Variants in GABRR2 observed in about 807,000 individuals in gnomAD.
GABRR2 encodes gamma-aminobutyric acid type A receptor subunit rho2, also known as gamma-aminobutyric acid receptor subunit rho-2.
GABRR2 carries 36 observed loss-of-function variants against 47.0 expected under a neutral mutation model. That is an observed-to-expected ratio of 0.77 (90% CI 0.59 to 1.01). GABRR2 has a LOEUF of 1.01. Among genes scored for constraint, GABRR2 ranks in the 50% least tolerant of loss-of-function variants. The pLI is 0.00. For missense variants in GABRR2, 587 were observed against 594.6 expected (o/e 0.99, Z 0.13); for synonymous variants, 204 against 227.5 (o/e 0.90, Z 0.93).
chr6:89,295,139 T>C (rs1338542877), intron 2 of GABRR2, among the ~76,000 whole-genome samples: 1 of 152,136 alleles, frequency 6.6e-6, no homozygotes, highest in Non-Finnish European at 1.5e-5. Context: ...GATTTATAAT[T>C]CTTTGGGTAT....
chr6:89,290,850 G>T (rs542626323), intron 2 of GABRR2, among the ~76,000 whole-genome samples: 8 of 152,272 alleles, frequency 5.3e-5, no homozygotes, highest in African/African-American at 1.7e-4. Context: ...TTTTCCAAGA[G>T]CTACAGCTCT....
chr6:89,258,559 A>C (rs1317891445), intron 8 of GABRR2, among the ~76,000 whole-genome samples: 1 of 107,246 alleles, frequency 9.3e-6, no homozygotes, highest in Non-Finnish European at 2.1e-5. Flanking sequence ...AAAAAAAAAA[A>C]TGTTTTTTTT....
chr6:89,304,977 GAC>G (rs1340074740), intron 1 of GABRR2, among the ~76,000 whole-genome samples: 1 of 152,226 alleles, frequency 6.6e-6, no homozygotes, highest in Non-Finnish European at 1.5e-5. Flanking sequence ...TTCCCATAAA[GAC>G]ACATGCATGT....
chr6:89,268,296 A>G (rs1773956940), intron 4 of GABRR2, among the ~76,000 whole-genome samples, 200 bp from the exon 5 acceptor site: 1 of 152,236 alleles, frequency 6.6e-6, no homozygotes, highest in African/African-American at 2.4e-5. Context: ...GCTCTGCCAG[A>G]TCCCCATTAC....
chr6:89,257,708 T>G lies in GABRR2; in HGVS notation c.1360A>C (p.Ile454Leu). The G allele has an allele frequency of 6.2e-7, 1 of 1,613,650 alleles. No individual in the cohort carries two copies. The highest frequency in any genetic ancestry group is 8.5e-7 in the Non-Finnish European group (1 of 1,179,756). The change falls in exon 9 of 9, where the codon ATA becomes CTA. Residue 454 changes from isoleucine (I) to leucine (L), a missense_variant. By Grantham distance (5) the Ile-to-Leu change is conservative. Coordinates refer to ENST00000402938, the MANE Select transcript of GABRR2 (RefSeq NM_002043.5). ...GACCAATAAATTAAGTTGAAAAATA[T>G]GTAGGAGGCAGGGAATATCAACCTA... The part of the protein sequence containing the change: ...YSRLIFPASY[I>L]FFNLIYWSVF...
chr6:89,262,409 A>G (rs1773770352), intron 8 of GABRR2, among the ~76,000 whole-genome samples: 1 of 152,230 alleles, frequency 6.6e-6, no homozygotes, highest in Admixed American at 6.5e-5. Flanking sequence ...CATATTCAGC[A>G]TGAAGCCCCT....
chr6:89,301,978 C>T, intron 1 of GABRR2: 3 of 784,588 alleles, frequency 3.8e-6, no homozygotes, highest in Admixed American at 1.9e-5. Context: ...GGCCATTCGT[C>T]GACCTGGAGC....
At chr6:89,292,770 CG>C (rs1774480919) in intron 2 of GABRR2, among the ~76,000 whole-genome samples, 1 of 41,238 alleles carries the variant, frequency 2.4e-5, no homozygotes, top group South Asian at 6.5e-4. Context: ...TACGATATAT[CG>C]TATATATCGT....
At chr6:89,308,471 T>C (rs1767611924) in intron 1 of GABRR2, among the ~76,000 whole-genome samples, 1 of 152,056 alleles carries the variant, frequency 6.6e-6, no homozygotes, top group Non-Finnish European at 1.5e-5. Context: ...CAGTGGAGTG[T>C]GATAATAAAA....
At chr6:89,260,097 G>C (rs1773713052) in intron 8 of GABRR2, among the ~76,000 whole-genome samples, 1 of 151,742 alleles carries the variant, frequency 6.6e-6, no homozygotes, top group Non-Finnish European at 1.5e-5. Flanking sequence ...TTGTAAGATG[G>C]GGTTTTGCCA....
At position 89,315,077 on chromosome 6, in the gene GABRR2, C is replaced by T; in HGVS notation, c.89G>A (p.Gly30Glu). ...SRKPKRKRWT[G>E]QVEMPKPSHL... ...CCTTGGCTTGGGCATTTCCACCTGC[C>T]CTGTCCATCGCTTCCTCTTGGGTTT... Residue 30 changes from glycine to glutamate, a missense_variant, in exon 1 of 9, where the codon GGG (glycine) becomes GAG (glutamate). Coordinates refer to ENST00000402938, the MANE Select transcript of GABRR2 (RefSeq NM_002043.5). The T allele has an allele frequency of 6.2e-7, 1 of 1,613,762 alleles. No homozygotes were observed. The highest frequency in any genetic ancestry group is 8.5e-7 in the Non-Finnish European group (1 of 1,179,752).
In GABRR2 at chr6:89,257,120, TCTC is replaced by T. The variant is rs1174155477; in HGVS notation, c.*547_*549del. 1.3e-5 allele frequency: 2 copies of T among 152,956 alleles called. No homozygotes were observed. The highest frequency in any genetic ancestry group is 2.9e-5 in the Non-Finnish European group (2 of 68,692). The allele number at this position is 152,956 out of a possible 1,614,324, so 9.5% of individuals were successfully genotyped here. ...GTTGAATGGATGGATAAATGAATAA[TCTC>T]CTCTAATATTGCAGAATCCTGTGGG... On this transcript the variant is annotated 3_prime_UTR_variant, in exon 9 of 9. Coordinates refer to ENST00000402938, the MANE Select transcript of GABRR2 (RefSeq NM_002043.5).
At chr6:89,283,122 T>C (rs1355587152) in intron 2 of GABRR2, among the ~76,000 whole-genome samples, 1 of 152,220 alleles carries the variant, frequency 6.6e-6, no homozygotes, top group Non-Finnish European at 1.5e-5. Context: ...CATTTCTATG[T>C]TTCTGGTCCA....
intron 1 of GABRR2, among the ~76,000 whole-genome samples, chr6:89,300,554 A>G (rs1341784749): frequency 1.3e-5 from 2 of 152,054 alleles, no homozygotes; most frequent in African/African-American, 2.4e-5. Context: ...CCACAGAAAT[A>G]CAAATAACCA....
intron 2 of GABRR2, among the ~76,000 whole-genome samples, chr6:89,298,194 G>T (rs1774589830): frequency 1.3e-5 from 2 of 152,138 alleles, no homozygotes; most frequent in Admixed American, 1.3e-4. Context: ...TCTGCCACCT[G>T]CTTTTCTCCT....
In GABRR2 at chr6:89,315,084, A is replaced by G. The variant is rs368041500; in HGVS notation, c.82T>C (p.Trp28Arg). The G allele has an allele frequency of 5.9e-5, 95 of 1,613,754 alleles. No individual in the cohort carries two copies. Among genetic ancestry groups the G allele is most frequent in the Non-Finnish European group, 7.9e-5 (93 of 1,179,860 alleles). The change falls in exon 1 of 9, where the codon TGG becomes CGG. Residue 28 changes from tryptophan to arginine, a missense_variant. Trp to Arg is a moderately radical substitution (Grantham distance 101, BLOSUM62 -3). Coordinates refer to ENST00000402938, the MANE Select transcript of GABRR2 (RefSeq NM_002043.5). The stretch of plus-strand genomic sequence containing the variant: ...TTGGGCATTTCCACCTGCCCTGTCC[A>G]TCGCTTCCTCTTGGGTTTTCTGCTC... ...VESRKPKRKR[W>R]TGQVEMPKPS... is the part of the protein sequence containing the mutation.
intron 1 of GABRR2, among the ~76,000 whole-genome samples, chr6:89,311,008 C>T (rs1767671719): frequency 1.3e-5 from 2 of 152,254 alleles, no homozygotes; most frequent in Admixed American, 6.5e-5. Context: ...TGTCCAGTCC[C>T]CTTAAGCCAT....
At chr6:89,294,409 G>T (rs1562381321) in intron 2 of GABRR2, among the ~76,000 whole-genome samples, 1 of 152,116 alleles carries the variant, frequency 6.6e-6, no homozygotes, top group Non-Finnish European at 1.5e-5. Flanking sequence ...ACCTCCCAAA[G>T]AGCTGGGATT....
At chr6:89,275,648 A>G (rs1443235076) in intron 2 of GABRR2, among the ~76,000 whole-genome samples, 1 of 152,212 alleles carries the variant, frequency 6.6e-6, no homozygotes, top group South Asian at 2.1e-4. Flanking sequence ...CAGAGTCCCA[A>G]GGGGATGGCC....
Sources: allele counts gnomAD v4.1 joint callset (sites outside exome capture counted in the v4.1 genomes callset), GRCh38; gene constraint gnomAD v4.1.1; transcripts MANE v1.5; gene names NCBI Gene and HGNC (gene_info 2026-07-23, HGNC 2026-07-21).